The following UPRT variants were observed in gnomAD, a reference collection of about 807,000 sequenced individuals.
UPRT encodes the protein uracil phosphoribosyltransferase homolog, also known as RP11-311P8.3.
In UPRT, 5 loss-of-function variants were observed where a neutral mutation model predicts 22.6. That is an observed-to-expected ratio of 0.22 (90% CI 0.12 to 0.47). The LOEUF is 0.47. Among genes scored for constraint, UPRT ranks in the 20% least tolerant of loss-of-function variants. The pLI is 0.99. For synonymous variants in UPRT, 77 were observed against 87.7 expected, an observed-to-expected ratio of 0.88 and a Z score of 0.68; for missense variants, 181 against 239.9, an observed-to-expected ratio of 0.75 and a Z score of 1.62.
intron 4 of UPRT, among the ~76,000 whole-genome samples, chrX:75,221,596 A>G (rs746110619): frequency 1.8e-5 from 2 of 111,654 alleles, no homozygotes; most frequent in Non-Finnish European, 3.8e-5. Flanking sequence ...CTGGTTGATC[A>G]ATCCTGATGC....
chrX:75,234,195 T>A (rs1206578095), intron 4 of UPRT, among the ~76,000 whole-genome samples: 1 of 111,363 alleles, frequency 9.0e-6, no homozygotes, highest in African/African-American at 3.3e-5. Context: ...AAGAAGGCCA[T>A]TACTCAATGG....
chrX:75,186,788 G>A (rs1483689758), intron 4 of UPRT, among the ~76,000 whole-genome samples: 2 of 111,419 alleles, frequency 1.8e-5, no homozygotes, highest in Non-Finnish European at 3.8e-5. Flanking sequence ...GGCCTTCTTT[G>A]TCTCTTTCGA....
chrX:75,302,497 A>T (rs1170809962), intron 6 of UPRT, among the ~76,000 whole-genome samples: 1 of 111,088 alleles, frequency 9.0e-6, no homozygotes, highest in Non-Finnish European at 1.9e-5. Context: ...TCATCTCTTA[A>T]GCTTGGTGAT....
chrX:75,299,776 A>G lies in UPRT; in HGVS notation c.604A>G (p.Ile202Val). Residue 202 changes from isoleucine (I) to valine (V), a missense_variant, in exon 5 of 7, where the codon ATA (isoleucine) becomes GTA (valine). Around this residue, in one of 2 missense-constraint regions of UPRT, gnomAD observed 70 missense variants for 137.0 expected, o/e 0.51. Coordinates refer to ENST00000373383, the MANE Select transcript of UPRT (RefSeq NM_145052.4). ...EQGLRDCCRS[I>V]RIGKILIQSD... is the part of the protein sequence containing the mutation. ...AGGTTTACGAGACTGCTGTCGATCC[A>G]TACGAATTGGAAAGATCCTGATTCA... The G allele has an allele frequency of 2.5e-6, 3 of 1,211,658 alleles. No homozygotes were observed. The highest frequency in any genetic ancestry group is 2.2e-6 in the Non-Finnish European group (2 of 895,456).
At chrX:75,177,500 G>C (rs1205652828) in intron 4 of UPRT, among the ~76,000 whole-genome samples, 3 of 110,714 alleles carry the variant, frequency 2.7e-5, no homozygotes, top group Non-Finnish European at 5.7e-5. Flanking sequence ...ACCTGTTAGA[G>C]TCCTAAGCAT....
intron 4 of UPRT, among the ~76,000 whole-genome samples, chrX:75,180,883 G>C (rs976421768): frequency 3.7e-5 from 4 of 109,184 alleles, no homozygotes; most frequent in African/African-American, 1.0e-4. Context: ...CCATTTGTCA[G>C]TTTTTGCTTT....
chrX:75,235,328 A>G (rs1355714151), intron 4 of UPRT, among the ~76,000 whole-genome samples: 1 of 110,775 alleles, frequency 9.0e-6, no homozygotes, highest in Non-Finnish European at 1.9e-5. Context: ...CCAGGACCAG[A>G]TGGATTCACA....
chrX:75,229,261 C>T (rs146443519), intron 4 of UPRT, among the ~76,000 whole-genome samples: 4 of 111,603 alleles, frequency 3.6e-5, no homozygotes, highest in African/African-American at 9.8e-5. Context: ...GTCAAATCAT[C>T]GTGTATACCT....
intron 4 of UPRT, among the ~76,000 whole-genome samples, chrX:75,175,834 T>C (rs755192534): frequency 6.3e-5 from 7 of 111,714 alleles, no homozygotes; most frequent in Non-Finnish European, 1.3e-4. Context: ...GGGCCATGAC[T>C]AAGGCTGCGG....
chrX:75,211,185 T>G (rs2082379442), intron 4 of UPRT, among the ~76,000 whole-genome samples: 1 of 108,185 alleles, frequency 9.2e-6, no homozygotes, highest in Non-Finnish European at 1.9e-5. Flanking sequence ...AAGAGGGGAG[T>G]GAGTACCCCA....
chrX:75,236,303 A>G (rs2082463780), intron 4 of UPRT, among the ~76,000 whole-genome samples: 1 of 111,820 alleles, frequency 8.9e-6, no homozygotes, highest in Admixed American at 9.5e-5. Flanking sequence ...AAAAGAGGAT[A>G]CAAACAAATG....
intron 4 of UPRT, among the ~76,000 whole-genome samples, chrX:75,247,049 C>T (rs1416041156): frequency 8.9e-6 from 1 of 111,753 alleles, no homozygotes; most frequent in Non-Finnish European, 1.9e-5. Context: ...AGTTATCCCT[C>T]TTTTAAAAGG....
intron 6 of UPRT, among the ~76,000 whole-genome samples, chrX:75,301,326 T>C (rs1231356820): frequency 1.8e-5 from 2 of 112,051 alleles, no homozygotes; most frequent in African/African-American, 3.2e-5. Context: ...CCCTGTAGTC[T>C]TACTGAAGTA....
chrX:75,296,288 G>A, intron 2 of UPRT, 54 bp from the exon 3 acceptor site: 1 of 1,101,520 alleles, frequency 9.1e-7, no homozygotes, highest in South Asian at 1.9e-5. Flanking sequence ...GAAGCTAACA[G>A]CTAACAGGAG....
chrX:75,262,774 A>G (rs781314182), intron 4 of UPRT, among the ~76,000 whole-genome samples: 1 of 111,942 alleles, frequency 8.9e-6, no homozygotes, highest in Non-Finnish European at 1.9e-5. Context: ...ATATATATGA[A>G]TCTAATACAG....
At chrX:75,208,445 C>G (rs929995638) in intron 4 of UPRT, among the ~76,000 whole-genome samples, 1 of 111,533 alleles carries the variant, frequency 9.0e-6, no homozygotes, top group African/African-American at 3.3e-5. Flanking sequence ...GTTTGAGTAT[C>G]AGGATCTGAC....
In UPRT at chrX:75,274,643, A is replaced by T; in HGVS notation, c.386+3A>T. On this transcript the variant is annotated splice_donor_region_variant and intron_variant, in intron 1 of 6. Coordinates refer to ENST00000373383, the MANE Select transcript of UPRT (RefSeq NM_145052.4). ...CTACAGACCATCATCCGTGACAAGT[A>T]AGCCAAGAGCGGAAGGGGAAAGGGA... 1 of 1,184,924 alleles carries T rather than the reference A, an allele frequency of 8.4e-7. No homozygotes were observed. Among genetic ancestry groups the T allele is most frequent in the Non-Finnish European group, 1.1e-6 (1 of 880,682 alleles).
chrX:75,294,589 G>A lies in UPRT; in HGVS notation c.429+1075G>A, dbSNP rs1465409374. 3 of 985,554 alleles carry A rather than the reference G, an allele frequency of 3.0e-6. No homozygotes were observed. In the African/African-American group the frequency reaches 5.9e-5, roughly 19 times the overall value. The allele number at this position is 985,554 out of a possible 1,213,427, so 81.2% of individuals were successfully genotyped here. A position where few individuals can be genotyped will look rare whatever the true frequency, so the allele number is the denominator to read the frequency against. On this transcript the variant is annotated intron_variant, in intron 2 of 6. Transcript: ENST00000373383. ...TTTTGCCTGAGGATTTATTCCAAAA[G>A]AGCATAGACAACTCCTGTTCTGCTT...
chrX:75,180,895 G>A (rs754125837), intron 4 of UPRT, among the ~76,000 whole-genome samples: 1 of 109,111 alleles, frequency 9.2e-6, no homozygotes, highest in South Asian at 4.0e-4. Flanking sequence ...TTTTGCTTTT[G>A]TCACAATTGC....
Sources: gnomAD v4.1 joint callset for allele counts (sites outside exome capture counted in the v4.1 genomes callset) on GRCh38, gnomAD v4.1.1 for gene constraint, gnomAD v4.1.1 regional missense constraint, MANE v1.5 for transcripts, NCBI Gene and HGNC (gene_info 2026-07-23, HGNC 2026-07-21) for gene names.